ANK3: variants seen among roughly 807,000 people sequenced by gnomAD.
ANK3 encodes the protein ankyrin-3.
A neutral mutation model predicts 370.9 loss-of-function variants in ANK3; 57 were observed. That is an observed-to-expected ratio of 0.15 (90% CI 0.12 to 0.19). The LOEUF (loss-of-function observed/expected upper bound fraction) is 0.19, where lower values mean the gene tolerates loss of function less well. ANK3 is among the 10% of genes least tolerant of loss of function. The pLI is 1.00. For missense variants in ANK3, 4,439 were observed against 5,302.1 expected (o/e 0.84, Z 5.06); for synonymous variants, 1,929 against 1,946.3 (o/e 0.99, Z 0.23).
intron 1 of ANK3, among the ~76,000 whole-genome samples, chr10:60,307,850 G>GA (rs1351671505): frequency 2.6e-5 from 4 of 152,200 alleles, no homozygotes; most frequent in Admixed American, 2.6e-4. Context: ...TGTCACACAT[G>GA]AAACGCTGAG....
chr10:60,223,800 T>C (rs1176876191), intron 8 of ANK3, among the ~76,000 whole-genome samples: 2 of 152,184 alleles, frequency 1.3e-5, no homozygotes, highest in Non-Finnish European at 2.9e-5. Flanking sequence ...CTAAGTCTCT[T>C]AGCTTTCAGA....
chr10:60,395,578 TTCTTTC>T (rs2063209207), intron 2 of ANK3, among the ~76,000 whole-genome samples: 1 of 125,748 alleles, frequency 8.0e-6, no homozygotes, highest in Non-Finnish European at 1.6e-5. Flanking sequence ...CTTTCTTTCT[TTCTTTC>T]TTTCTTTCTT....
At chr10:60,443,821 C>G (rs2064363748) in intron 2 of ANK3, among the ~76,000 whole-genome samples, 1 of 152,102 alleles carries the variant, frequency 6.6e-6, no homozygotes, top group African/African-American at 2.4e-5. Context: ...AGTGAGGTTA[C>G]TTCACTGATT....
intron 7 of ANK3, among the ~76,000 whole-genome samples, chr10:60,246,771 T>C (rs1468614977): frequency 6.6e-6 from 1 of 152,214 alleles, no homozygotes; most frequent in Non-Finnish European, 1.5e-5. Flanking sequence ...ACAATTCAGA[T>C]AAGGCACAGC....
At chr10:60,469,031 G>GTA (rs71015795) in intron 2 of ANK3, among the ~76,000 whole-genome samples, 226 of 11,610 alleles carry the variant, frequency 0.019, 15 homozygotes, top group African/African-American at 0.027. Context: ...CACTTTTAGT[G>GTA]TATATATATA....
intron 1 of ANK3, among the ~76,000 whole-genome samples, chr10:60,624,074 C>T (rs2078375709): frequency 6.6e-6 from 1 of 152,026 alleles, no homozygotes; most frequent in Non-Finnish European, 1.5e-5. Flanking sequence ...GGGAGAAGAG[C>T]AAGGATGGAA....
At chr10:60,520,216 G>A (rs939281303) in intron 2 of ANK3, among the ~76,000 whole-genome samples, 5 of 152,144 alleles carry the variant, frequency 3.3e-5, no homozygotes, top group Non-Finnish European at 4.4e-5. Context: ...TCATAAGTGC[G>A]AGCTAAACAT....
At chr10:60,394,038 C>T (rs948073640), upstream of ANK3, among the ~76,000 whole-genome samples, 6 of 151,150 alleles carry the variant, frequency 4.0e-5, no homozygotes, top group East Asian at 1.9e-4. Flanking sequence ...GAAATGAGAA[C>T]GACTTCATGC....
At chr10:60,594,127 A>G (rs1260833140) in intron 2 of ANK3, among the ~76,000 whole-genome samples, 2 of 152,220 alleles carry the variant, frequency 1.3e-5, no homozygotes, top group African/African-American at 4.8e-5. Context: ...CATATGAAAC[A>G]TGAGAAAAAA....
Position 60,068,774 on chromosome 10 carries a change from G to C in ANK3, c.12107C>G (p.Thr4036Arg). 5.6e-6 allele frequency: 9 copies of C among 1,614,204 alleles called. No individual in the cohort carries two copies. The highest frequency in any genetic ancestry group is 7.6e-6 in the Non-Finnish European group (9 of 1,180,020). Residue 4036 changes from threonine (T) to arginine (R), a missense_variant, in exon 37 of 44, where the codon ACG becomes AGG. Thr to Arg is a moderately conservative substitution (Grantham distance 71, BLOSUM62 -1). Transcript: ENST00000280772. ...SDEEESTSRN[T>R]SLSETSRGGQ... Reference sequence around the variant, plus strand: ...ACCCCGGGAAGTCTCGGACAACGACGTGTTTCTTGAGGTACTTTCTTCCTC... The same window carrying C: ...ACCCCGGGAAGTCTCGGACAACGACCTGTTTCTTGAGGTACTTTCTTCCTC...
intron 26 of ANK3, among the ~76,000 whole-genome samples, chr10:60,109,910 T>A (rs993395452): frequency 1.3e-5 from 2 of 152,100 alleles, no homozygotes; most frequent in Non-Finnish European, 2.9e-5. Flanking sequence ...CATCACAGAG[T>A]TATAACACAG....
At chr10:60,261,478 C>T (rs1028906007) in intron 7 of ANK3, among the ~76,000 whole-genome samples, 12 of 152,204 alleles carry the variant, frequency 7.9e-5, no homozygotes, top group African/African-American at 2.9e-4. Flanking sequence ...CCAGAACATT[C>T]CCATTGTAAG....
chr10:60,030,537 TA>T (rs1158774630), intron 43 of ANK3, among the ~76,000 whole-genome samples: 1 of 152,164 alleles, frequency 6.6e-6, no homozygotes, highest in Non-Finnish European at 1.5e-5. Flanking sequence ...CCAGATGAAC[TA>T]AATATGCAAC....
chr10:60,060,069 T>G (rs188592759), intron 40 of ANK3: 1 of 1,260,050 alleles, frequency 7.9e-7, no homozygotes, highest in South Asian at 1.8e-5. Context: ...CAAAAACACA[T>G]GGAATGACTA....
chr10:60,586,855 C>A (rs933231808), intron 2 of ANK3, among the ~76,000 whole-genome samples: 13 of 152,142 alleles, frequency 8.5e-5, no homozygotes, highest in African/African-American at 2.9e-4. Context: ...ACTGAAAGTA[C>A]AGGATTCTGA....
intron 23 of ANK3, chr10:60,140,564 C>A: frequency 7.2e-7 from 1 of 1,380,440 alleles, no homozygotes; most frequent in Non-Finnish European, 9.3e-7. Context: ...TTTCCCCACT[C>A]AGAGTTCGAA....
intron 23 of ANK3, among the ~76,000 whole-genome samples, chr10:60,164,537 T>A (rs1298834663): frequency 6.6e-6 from 1 of 151,020 alleles, no homozygotes; most frequent in Non-Finnish European, 1.5e-5. Flanking sequence ...CATTTTTAAA[T>A]ATCTGAAAGA....
At chr10:60,193,544 A>G (rs1445923921) in intron 16 of ANK3, among the ~76,000 whole-genome samples, 1 of 151,616 alleles carries the variant, frequency 6.6e-6, no homozygotes, top group East Asian at 1.9e-4. Context: ...AGTCTCATCT[A>G]TTTGGGAGGC....
intron 1 of ANK3, among the ~76,000 whole-genome samples, chr10:60,336,004 T>C (rs2052735898): frequency 6.6e-6 from 1 of 151,760 alleles, no homozygotes. Context: ...AGAAGCCCAG[T>C]AAGAAAAAGA....
Sources: allele counts gnomAD v4.1 joint callset (sites outside exome capture counted in the v4.1 genomes callset), GRCh38; gene constraint gnomAD v4.1.1; transcripts MANE v1.5; gene names NCBI Gene and HGNC (gene_info 2026-07-23, HGNC 2026-07-21).